Variants in NALF1 observed in about 807,000 individuals in gnomAD.
NALF1 encodes the protein NALCN channel auxiliary factor 1.
In NALF1, 3 loss-of-function variants were observed where a neutral mutation model predicts 48.4. That is an observed-to-expected ratio of 0.06 (90% confidence interval 0.03 to 0.16). The LOEUF is 0.16. Among genes scored for constraint, NALF1 ranks in the 10% least tolerant of loss-of-function variants. NALF1 has a pLI of 1.00. For missense variants in NALF1, 526 were observed against 571.5 expected (o/e 0.92, Z 0.81); for synonymous variants, 262 against 245.7 (o/e 1.07, Z -0.62).
intron 1 of NALF1, among the ~76,000 whole-genome samples, chr13:107,261,533 G>A (rs975876175): frequency 1.3e-5 from 2 of 152,192 alleles, no homozygotes; most frequent in Non-Finnish European, 1.5e-5. Context: ...GGTACTCATA[G>A]GACCAAAATG....
intron 1 of NALF1, among the ~76,000 whole-genome samples, chr13:107,234,677 CCTTGCTACTGTATCCAGCATAAG>C (rs1426959643): frequency 2.0e-5 from 3 of 151,500 alleles, no homozygotes; most frequent in Non-Finnish European, 2.9e-5. Context: ...TCCCCCAAGT[CCTTGCTACTGTATCCAGCATAAG>C]CTTAGAAAAA....
At chr13:107,849,861 A>G (rs1264957641) in intron 1 of NALF1, among the ~76,000 whole-genome samples, 1 of 152,204 alleles carries the variant, frequency 6.6e-6, no homozygotes. Context: ...TACTCTCAAA[A>G]TCTAACAGGA....
At chr13:107,373,285 T>C (rs911933735) in intron 1 of NALF1, among the ~76,000 whole-genome samples, 3 of 152,212 alleles carry the variant, frequency 2.0e-5, no homozygotes, top group African/African-American at 7.2e-5. Flanking sequence ...CCAGGTTCTC[T>C]TGATAACCAG....
chr13:107,518,656 T>A (rs1046146154), intron 1 of NALF1, among the ~76,000 whole-genome samples: 1 of 152,118 alleles, frequency 6.6e-6, no homozygotes, highest in Non-Finnish European at 1.5e-5. Context: ...ATAAACATGA[T>A]GGATGAGTAA....
At chr13:107,287,340 T>G (rs1881515591) in intron 1 of NALF1, among the ~76,000 whole-genome samples, 1 of 152,276 alleles carries the variant, frequency 6.6e-6, no homozygotes, top group South Asian at 2.1e-4. Context: ...TTATGAGTAT[T>G]TGCTTTACAA....
At chr13:107,730,625 G>C (rs1284713549) in intron 1 of NALF1, among the ~76,000 whole-genome samples, 1 of 152,068 alleles carries the variant, frequency 6.6e-6, no homozygotes, top group Non-Finnish European at 1.5e-5. Context: ...TGACAGCTCA[G>C]AAACAATTTT....
At chr13:107,182,255 T>TGTGTGTGTGTGTGTGTCC (rs1879081386) in intron 2 of NALF1, among the ~76,000 whole-genome samples, 84 of 132,582 alleles carry the variant, frequency 6.3e-4, no homozygotes, top group African/African-American at 2.3e-3. Flanking sequence ...TGTGTGTCCG[T>TGTGTGTGTGTGTGTGTCC]GTGTGTGTGT....
intron 1 of NALF1, among the ~76,000 whole-genome samples, chr13:107,583,536 C>T (rs956599457): frequency 2.0e-5 from 3 of 152,092 alleles, no homozygotes; most frequent in African/African-American, 7.2e-5. Context: ...ATTACAATGG[C>T]TATTGTGATT....
chr13:107,380,944 C>G lies in NALF1; in HGVS notation c.916-170189G>C, dbSNP rs1594145970. ...AGAGAGCAGAGATCGTGCCACTGCA[C>G]TCCAGCCTGTGCCACAGAGCCAGAC... On this transcript the variant is annotated intron_variant, in intron 1 of 2. Coordinates refer to ENST00000375915, the MANE Select transcript of NALF1 (RefSeq NM_001080396.3). 6.9e-5 allele frequency among the ~76,000 whole-genome samples: 10 copies of G among 145,106 alleles called. No homozygotes were observed. In the East Asian group the frequency reaches 1.8e-3, roughly 27 times the overall value.
intron 1 of NALF1, among the ~76,000 whole-genome samples, chr13:107,514,893 C>T (rs1286658459): frequency 6.6e-6 from 1 of 152,146 alleles, no homozygotes; most frequent in Non-Finnish European, 1.5e-5. Flanking sequence ...TGTTGGTAGG[C>T]AGCAGAGAAT....
At chr13:107,337,212 T>C (rs1384701177) in intron 1 of NALF1, among the ~76,000 whole-genome samples, 2 of 152,100 alleles carry the variant, frequency 1.3e-5, no homozygotes, top group South Asian at 2.1e-4. Context: ...AGGTCTGATA[T>C]TGATTTCCAG....
chr13:107,411,815 C>A (rs1051159551), intron 1 of NALF1, among the ~76,000 whole-genome samples: 1 of 151,988 alleles, frequency 6.6e-6, no homozygotes, highest in Non-Finnish European at 1.5e-5. Flanking sequence ...GAGACCAGGA[C>A]CCGGTAAATG....
At chr13:107,803,918 A>G (rs1312118903) in intron 1 of NALF1, among the ~76,000 whole-genome samples, 1 of 152,114 alleles carries the variant, frequency 6.6e-6, no homozygotes, top group Admixed American at 6.6e-5. Flanking sequence ...TGCACCATGG[A>G]GCTGCTTCTA....
chr13:107,865,548 G>T, intron 1 of NALF1, 134 bp downstream of exon 1: 1 of 1,210,364 alleles, frequency 8.3e-7, no homozygotes, highest in Non-Finnish European at 1.2e-6. Flanking sequence ...AGCAAGCCAA[G>T]CTCTTAATAA....
At chr13:107,245,317 G>A (rs773240635) in intron 1 of NALF1, among the ~76,000 whole-genome samples, 6 of 152,102 alleles carry the variant, frequency 3.9e-5, no homozygotes, top group Non-Finnish European at 7.4e-5. Flanking sequence ...TACTTTTCAC[G>A]ATGTCTCTAG....
At chr13:107,187,299 C>T (rs560392225) in intron 2 of NALF1, among the ~76,000 whole-genome samples, 24 of 152,312 alleles carry the variant, frequency 1.6e-4, no homozygotes, top group Admixed American at 7.2e-4. Context: ...ACTCCTTCCA[C>T]CACTTCAGGC....
intron 1 of NALF1, among the ~76,000 whole-genome samples, chr13:107,295,574 T>G (rs935130364): frequency 5.9e-5 from 9 of 152,160 alleles, no homozygotes; most frequent in Non-Finnish European, 1.2e-4. Context: ...GACAAGTTCC[T>G]TCCCAGAGCT....
chr13:107,468,900 C>G (rs940482648), intron 1 of NALF1, among the ~76,000 whole-genome samples: 3 of 151,956 alleles, frequency 2.0e-5, no homozygotes, highest in African/African-American at 7.3e-5. Context: ...GCATAATTAC[C>G]TATTAAAATA....
intron 1 of NALF1, among the ~76,000 whole-genome samples, chr13:107,808,154 A>C (rs2138603651): frequency 6.6e-6 from 1 of 152,202 alleles, no homozygotes; most frequent in South Asian, 2.1e-4. Flanking sequence ...GGGCCGATGC[A>C]CTCACAGAAG....
Sources: gnomAD v4.1 joint callset for allele counts (sites outside exome capture counted in the v4.1 genomes callset) on GRCh38, gnomAD v4.1.1 for gene constraint, MANE v1.5 for transcripts, NCBI Gene and HGNC (gene_info 2026-07-23, HGNC 2026-07-21) for gene names.